Variants in STAC observed in about 807,000 individuals in gnomAD.
STAC encodes SH3 and cysteine-rich domain-containing protein.
A neutral mutation model predicts 48.8 loss-of-function variants in STAC; 43 were observed. The ratio of observed to expected loss-of-function variants is 0.88; its 90% CI spans 0.69 to 1.14. The LOEUF is 1.14. Ranked by LOEUF, STAC falls within the 50% of genes most tolerant of loss-of-function variation. STAC has a pLI of 0.00. For missense variants in STAC, 497 were observed against 504.0 expected (o/e 0.99, Z 0.13); for synonymous variants, 193 against 179.5 (o/e 1.07, Z -0.60).
chr3:36,476,086 A>G (rs1342359586), intron 2 of STAC, among the ~76,000 whole-genome samples: 1 of 152,236 alleles, frequency 6.6e-6, no homozygotes, highest in African/African-American at 2.4e-5. Context: ...TTTCCATAGA[A>G]TTAAAGGGGC....
chr3:36,503,423 G>GT (rs1389590894), intron 6 of STAC, among the ~76,000 whole-genome samples: 6 of 151,756 alleles, frequency 4.0e-5, no homozygotes, highest in Non-Finnish European at 7.4e-5. Flanking sequence ...ATTGTTTTTT[G>GT]TTTTTTTGTT....
intron 2 of STAC, among the ~76,000 whole-genome samples, chr3:36,461,250 T>C (rs1290947246): frequency 6.6e-6 from 1 of 152,348 alleles, no homozygotes; most frequent in Middle Eastern, 3.4e-3. Flanking sequence ...CACTTGAAAA[T>C]TGGCATCCCT....
intron 8 of STAC, among the ~76,000 whole-genome samples, chr3:36,511,756 T>C (rs568319149): frequency 6.6e-6 from 1 of 152,312 alleles, no homozygotes; most frequent in South Asian, 2.1e-4. Context: ...TCTTCTGGTT[T>C]GTGTCATTTC....
intron 5 of STAC, among the ~76,000 whole-genome samples, chr3:36,486,515 C>T (rs2125702192): frequency 6.6e-6 from 1 of 152,318 alleles, no homozygotes; most frequent in South Asian, 2.1e-4. Flanking sequence ...GACCCCCTCT[C>T]CTTTACCCTC....
chr3:36,413,461 T>C (rs1700242950), intron 1 of STAC, among the ~76,000 whole-genome samples: 1 of 152,202 alleles, frequency 6.6e-6, no homozygotes, highest in African/African-American at 2.4e-5. Context: ...TCTTTGTTGG[T>C]TTAAAGTCTG....
chr3:36,387,914 A>G (rs912955164), intron 1 of STAC, among the ~76,000 whole-genome samples: 3 of 151,926 alleles, frequency 2.0e-5, no homozygotes, highest in African/African-American at 7.2e-5. Context: ...TTGCCATCCT[A>G]TTTTCCACAG....
At chr3:36,518,480 G>A (rs1698726582) in intron 8 of STAC, among the ~76,000 whole-genome samples, 1 of 152,154 alleles carries the variant, frequency 6.6e-6, no homozygotes, top group South Asian at 2.1e-4. Flanking sequence ...TGCTCTTTCA[G>A]TATTATTAAA....
chr3:36,507,053 G>C (rs559392434), intron 8 of STAC, among the ~76,000 whole-genome samples: 39 of 152,214 alleles, frequency 2.6e-4, no homozygotes, highest in African/African-American at 9.1e-4. Flanking sequence ...ATGATATTGG[G>C]TGTGGGTTTG....
At chr3:36,399,701 T>TA (rs2125625811) in intron 1 of STAC, among the ~76,000 whole-genome samples, 1 of 152,276 alleles carries the variant, frequency 6.6e-6, no homozygotes, top group East Asian at 1.9e-4. Flanking sequence ...CTCAATTTAT[T>TA]AAAAAACCAT....
intron 1 of STAC, among the ~76,000 whole-genome samples, chr3:36,437,021 A>G (rs1292191533): frequency 6.6e-6 from 1 of 151,972 alleles, no homozygotes; most frequent in Admixed American, 6.5e-5. Flanking sequence ...AAACACATGA[A>G]AAAATGCTCA....
intron 2 of STAC, among the ~76,000 whole-genome samples, chr3:36,476,670 C>T (rs1348431760): frequency 1.3e-5 from 2 of 152,160 alleles, no homozygotes; most frequent in African/African-American, 4.8e-5. Context: ...ATTATTAGGC[C>T]TGTTTTTATT....
intron 1 of STAC, among the ~76,000 whole-genome samples, chr3:36,409,100 T>C (rs952073300): frequency 2.0e-5 from 3 of 152,178 alleles, no homozygotes; most frequent in Admixed American, 6.5e-5. Flanking sequence ...GTCACAAACA[T>C]GAAATTTGCA....
chr3:36,535,725 A>T (rs1699181946), intron 10 of STAC, among the ~76,000 whole-genome samples: 1 of 152,202 alleles, frequency 6.6e-6, no homozygotes, highest in Non-Finnish European at 1.5e-5. Flanking sequence ...TATTGAAATA[A>T]TCATGTGGTT....
intron 2 of STAC, among the ~76,000 whole-genome samples, chr3:36,482,756 A>C (rs1008818125): frequency 6.6e-6 from 1 of 152,246 alleles, no homozygotes; most frequent in African/African-American, 2.4e-5. Flanking sequence ...GAGGAGGCTT[A>C]GAGTTCCTGG....
chr3:36,390,451 CTTTTTT>C (rs59589769), intron 1 of STAC, among the ~76,000 whole-genome samples: 3,627 of 81,042 alleles, frequency 0.045, 97 homozygotes, highest in African/African-American at 0.14. Context: ...TTTTTCTTTT[CTTTTTT>C]TTTTTTTTTT....
intron 10 of STAC, among the ~76,000 whole-genome samples, chr3:36,543,109 C>A (rs1187989653): frequency 1.3e-5 from 2 of 152,096 alleles, no homozygotes; most frequent in East Asian, 3.9e-4. Flanking sequence ...CCTGAGCAAA[C>A]CGAGACAAGT....
chr3:36,540,771 C>T (rs764566415), intron 10 of STAC, among the ~76,000 whole-genome samples: 2 of 152,120 alleles, frequency 1.3e-5, no homozygotes, highest in Non-Finnish European at 2.9e-5. Context: ...CCTTTTGACT[C>T]CGTGATTTTG....
chr3:36,399,417 A>G (rs1223355413), intron 1 of STAC, among the ~76,000 whole-genome samples: 1 of 152,266 alleles, frequency 6.6e-6, no homozygotes, highest in Non-Finnish European at 1.5e-5. Context: ...GACACCTGAC[A>G]TAAGTCTATA....
intron 2 of STAC, among the ~76,000 whole-genome samples, chr3:36,479,416 C>G (rs1340273056): frequency 6.6e-6 from 1 of 152,150 alleles, no homozygotes; most frequent in African/African-American, 2.4e-5. Context: ...AAACTCTCAT[C>G]TACTCTTGCT....
Sources: allele counts gnomAD v4.1 joint callset (sites outside exome capture counted in the v4.1 genomes callset), GRCh38; gene constraint gnomAD v4.1.1; transcripts MANE v1.5; gene names NCBI Gene and HGNC (gene_info 2026-07-23, HGNC 2026-07-21).